The following NOS3 variants were observed in gnomAD, a reference collection of about 807,000 sequenced individuals.
NOS3 encodes NOS type III.
NOS3 carries 98 observed loss-of-function variants against 144.9 expected under a neutral mutation model. That is an observed-to-expected ratio of 0.68 (90% confidence interval 0.57 to 0.80). The LOEUF is 0.80. Ranked by LOEUF, NOS3 falls within the 30% of genes least tolerant of loss-of-function variation. NOS3 has a pLI of 0.00. For missense variants in NOS3, 1,465 were observed against 1,656.4 expected (o/e 0.88, Z 2.01); for synonymous variants, 714 against 702.4 (o/e 1.02, Z -0.26).
intron 22 of NOS3, 44 bp downstream of exon 22, chr7:151,010,851 G>A (rs941178750): frequency 2.4e-5 from 39 of 1,607,354 alleles, no homozygotes; most frequent in Non-Finnish European, 3.0e-5. Flanking sequence ...GCAGGGTTGG[G>A]ACCGGCCCCT....
chr7:151,014,176 CCTGGCTTT>C lies in NOS3; in HGVS notation c.*9_*16del, dbSNP rs1795387603. The C allele has an allele frequency of 1.9e-6, 3 of 1,592,524 alleles. No homozygotes were observed. Among genetic ancestry groups the C allele is most frequent in the South Asian group, 2.2e-5 (2 of 90,494 alleles). The stretch of plus-strand genomic sequence containing the variant: ...AGACACCAACAGCCCCTGAGAGCCG[CCTGGCTTT>C]CCCTTCCAGTTCCGGGAGAGCGGCT... On this transcript the variant is annotated 3_prime_UTR_variant, in exon 27 of 27. Transcript: ENST00000297494.
rs1802303985 is a variant in NOS3, at chr7:150,993,691, G to A, written c.-51-62G>A. 1 of 1,097,818 alleles carries A rather than the reference G, an allele frequency of 9.1e-7. No individual in the cohort carries two copies. The highest frequency in any genetic ancestry group is 1.3e-6 in the Non-Finnish European group (1 of 773,406). 68.0% of individuals were successfully genotyped at this position (1,097,818 alleles called of 1,614,324 possible). A position where few individuals can be genotyped will look rare whatever the true frequency, so the allele number is the denominator to read the frequency against. ...GTGTATGGGATAGGGGCGGGGCGAG[G>A]GCCAGCACTGGAGAGCCCCCTCCCA... On this transcript the variant is annotated intron_variant, in intron 1 of 26. Coordinates refer to ENST00000297494, the MANE Select transcript of NOS3 (RefSeq NM_000603.5). This position sits in a 1 kb window ranked among gnomAD's most constrained non-coding sequence, Gnocchi z 4.0.
In NOS3 at chr7:151,003,587, A is replaced by T; in HGVS notation, c.1752+1283A>T. 7.9e-7 allele frequency: 1 copy of T among 1,272,990 alleles called. No homozygotes were observed. Among genetic ancestry groups the T allele is most frequent in the Non-Finnish European group, 1.0e-6 (1 of 959,808 alleles). The allele number at this position is 1,272,990 out of a possible 1,614,324, so 78.9% of individuals were successfully genotyped here. A position where few individuals can be genotyped will look rare whatever the true frequency, so the allele number is the denominator to read the frequency against. On this transcript the variant is annotated intron_variant, in intron 14 of 26. Coordinates refer to ENST00000297494, the MANE Select transcript of NOS3 (RefSeq NM_000603.5). This position sits in a 1 kb window ranked among gnomAD's most constrained non-coding sequence, Gnocchi z 4.1. ...GACACCCATATAACCTACAGCCTTC[A>T]CAAGGCATAGCACATTTTCACCACC...
intron 25 of NOS3, 31 bp from the exon 26 acceptor site, chr7:151,013,693 C>G (rs1164728811): frequency 1.3e-6 from 2 of 1,525,754 alleles, no homozygotes; most frequent in East Asian, 2.4e-5. Context: ...CCACCCCCAC[C>G]AGGGCCCGCC....
chr7:151,004,861 T>C (rs1288649872), intron 14 of NOS3, among the ~76,000 whole-genome samples: 2 of 152,010 alleles, frequency 1.3e-5, no homozygotes, highest in African/African-American at 4.8e-5. Context: ...TGTTTGTTTG[T>C]TTGTTTTTGT....
At position 151,014,257 on chromosome 7, in the gene NOS3, T is replaced by G; in HGVS notation, c.*88T>G. The G allele has an allele frequency of 1.5e-6, 2 of 1,323,054 alleles. No homozygotes were observed. The highest frequency in any genetic ancestry group is 2.1e-6 in the Non-Finnish European group (2 of 974,910). 82.0% of individuals were successfully genotyped at this position (1,323,054 alleles called of 1,614,324 possible). ...CAGGATCAGCCCCGCTCCTCCCCTC[T>G]TGAGGTGGTGCCTTCTCACATCTGT... On this transcript the variant is annotated 3_prime_UTR_variant, in exon 27 of 27. Coordinates refer to ENST00000297494, the MANE Select transcript of NOS3 (RefSeq NM_000603.5).
intron 23 of NOS3, among the ~76,000 whole-genome samples, chr7:151,011,528 C>T (rs917665205): frequency 1.4e-5 from 2 of 138,632 alleles, no homozygotes; most frequent in African/African-American, 5.3e-5. Flanking sequence ...TCTCCTATGG[C>T]GTGAACCTGG....
At chr7:151,000,475 T>C in intron 9 of NOS3, 23 bp from the exon 10 acceptor site, 1 of 1,479,318 alleles carries the variant, frequency 6.8e-7, no homozygotes, top group Non-Finnish European at 9.5e-7. Flanking sequence ...TCCCTACCGA[T>C]GCCACACACC....
At chr7:151,008,172 G>C (rs1795235091) in intron 17 of NOS3, among the ~76,000 whole-genome samples, 1 of 152,226 alleles carries the variant, frequency 6.6e-6, no homozygotes, top group Admixed American at 6.5e-5. Flanking sequence ...CACCGAACCA[G>C]AAGCAGGAAG....
intron 15 of NOS3, 25 bp downstream of exon 15, chr7:151,006,519 A>T (rs1795208671): frequency 1.3e-6 from 2 of 1,580,142 alleles, no homozygotes; most frequent in East Asian, 4.5e-5. Flanking sequence ...AGTTTGGGGG[A>T]GCTGGGGGAG....
chr7:151,010,453 G>C (rs1047293802), intron 21 of NOS3, 144 bp from the exon 22 acceptor site: 58 of 1,071,500 alleles, frequency 5.4e-5, no homozygotes, highest in Non-Finnish European at 7.2e-5. Context: ...TTCATGGCTG[G>C]ATTCTCCAGG....
rs1484645038 is a variant in NOS3, at chr7:150,993,913, A to G, written c.110A>G (p.Glu37Gly). The change falls in exon 2 of 27, where the codon GAG (glutamate) becomes GGG (glycine). Residue 37 changes from glutamate to glycine, a missense_variant. Glu to Gly is a moderately conservative substitution (Grantham distance 98). Coordinates refer to ENST00000297494, the MANE Select transcript of NOS3 (RefSeq NM_000603.5). The surrounding 1 kb of genome is among the most constrained non-coding windows in gnomAD (Gnocchi z 4.0). Reference sequence around the variant, plus strand: ...CAGGGCCCAGCCACCCCGGCCCCTGAGCCCAGCCGGGCCCCAGCATCCCTA... The same window carrying G: ...CAGGGCCCAGCCACCCCGGCCCCTGGGCCCAGCCGGGCCCCAGCATCCCTA... ...GKQGPATPAP[E>G]PSRAPASLLP... 1 of 1,585,994 alleles carries G rather than the reference A, an allele frequency of 6.3e-7. No homozygotes were observed. Among genetic ancestry groups the G allele is most frequent in the Non-Finnish European group, 8.6e-7 (1 of 1,167,874 alleles).
Position 151,007,014 on chromosome 7 carries a change from C to G in NOS3, c.1937+9C>G. 6.2e-7 allele frequency: 1 copy of G among 1,613,858 alleles called. No individual in the cohort carries two copies. Among genetic ancestry groups the G allele is most frequent in the Non-Finnish European group, 8.5e-7 (1 of 1,179,788 alleles). On this transcript the variant is annotated intron_variant, in intron 16 of 26. Coordinates refer to ENST00000297494, the MANE Select transcript of NOS3 (RefSeq NM_000603.5). ...GCCCTGGGCACCCTCAGGTCAGGGC[C>G]TCACCAAGAGGGGTGCAACGGGTGG...
rs956739602 is a variant in NOS3, at chr7:151,001,966, G to A, written c.1647+1G>A. 7 of 1,613,406 alleles carry A rather than the reference G, an allele frequency of 4.3e-6. No homozygotes were observed. The highest frequency in any genetic ancestry group is 5.9e-6 in the Non-Finnish European group (7 of 1,180,002). The stretch of plus-strand genomic sequence containing the variant: ...CTTCCGGAAGGCTTTTGATCCCCGG[G>A]TAGGGCTGAGCCCAGGGGAGCAGGG... On this transcript the variant is annotated splice_donor_variant, in intron 13 of 26. Transcript: ENST00000297494. LOFTEE classifies it high-confidence loss of function.
chr7:150,997,211 CTG>C (rs1802450552), intron 5 of NOS3, among the ~76,000 whole-genome samples: 1 of 151,530 alleles, frequency 6.6e-6, no homozygotes, highest in Non-Finnish European at 1.5e-5. Context: ...TCTAGACCTG[CTG>C]CAGGGGTGAG....
At chr7:150,994,090 A>C (rs1563207175) in intron 2 of NOS3, 129 bp downstream of exon 2, 7 of 991,664 alleles carry the variant, frequency 7.1e-6, no homozygotes, top group Non-Finnish European at 9.0e-6. Context: ...AAGGGCTATT[A>C]ATGTGCATAG....
Position 150,995,188 on chromosome 7 carries a change from C to A in NOS3, c.159-15C>A. The A allele has an allele frequency of 1.0e-5, 15 of 1,485,988 alleles. No homozygotes were observed. Among genetic ancestry groups the A allele is most frequent in the Non-Finnish European group, 1.4e-5 (15 of 1,065,788 alleles). 92.1% of individuals were successfully genotyped at this position (1,485,988 alleles called of 1,614,324 possible). A position where few individuals can be genotyped will look rare whatever the true frequency, so the allele number is the denominator to read the frequency against. On this transcript the variant is annotated splice_polypyrimidine_tract_variant and intron_variant, in intron 2 of 26. Coordinates refer to ENST00000297494, the MANE Select transcript of NOS3 (RefSeq NM_000603.5). The stretch of plus-strand genomic sequence containing the variant: ...ACAAACCCTTCCTGATGACCCTATC[C>A]CTGGCTCCCAACAGCCCCCCGAGCT...
At chr7:151,001,671 C>A in intron 12 of NOS3, 54 bp downstream of exon 12, 1 of 1,581,754 alleles carries the variant, frequency 6.3e-7, no homozygotes, top group Non-Finnish European at 8.7e-7. Flanking sequence ...GCCCCACTCT[C>A]CCCCACACAC....
chr7:151,001,925 A>C lies in NOS3; in HGVS notation c.1607A>C (p.Gln536Pro). The C allele has an allele frequency of 6.2e-7, 1 of 1,613,570 alleles. No homozygotes were observed. The highest frequency in any genetic ancestry group is 8.5e-7 in the Non-Finnish European group (1 of 1,180,006). ...ACCGGCCGGGCCCAGAGCTACGCAC[A>C]GCAGCTGGGGAGACTCTTCCGGAAG... Reference protein sequence around the residue: ...SETGRAQSYAQQLGRLFRKAF... With the variant: ...SETGRAQSYAPQLGRLFRKAF... Residue 536 changes from glutamine to proline, a missense_variant, in exon 13 of 27, where the codon CAG becomes CCG. Physicochemically the swap from Gln to Pro is moderately conservative, Grantham distance 76. Around this residue, in one of 5 missense-constraint regions of NOS3, gnomAD observed 745 missense variants for 853.9 expected, o/e 0.87. Coordinates refer to ENST00000297494, the MANE Select transcript of NOS3 (RefSeq NM_000603.5).
Sources: allele counts gnomAD v4.1 joint callset (sites outside exome capture counted in the v4.1 genomes callset), GRCh38; gene constraint gnomAD v4.1.1; regional missense constraint gnomAD v4.1.1; non-coding constraint Gnocchi (gnomAD v3.1); transcripts MANE v1.5; gene names NCBI Gene and HGNC (gene_info 2026-07-23, HGNC 2026-07-21).